KLHL29: variants seen among roughly 807,000 people sequenced by gnomAD.
KLHL29 encodes kelch-like protein 29.
A neutral mutation model predicts 80.4 loss-of-function variants in KLHL29; 21 were observed. The observed-to-expected ratio is 0.26, with a 90% CI of 0.19 to 0.38. The LOEUF is 0.38. KLHL29 is among the 10% of genes least tolerant of loss of function. The pLI, the probability that KLHL29 is intolerant of heterozygous loss-of-function variation, is 1.00. For synonymous variants in KLHL29, 511 were observed against 526.8 expected, an observed-to-expected ratio of 0.97 and a Z score of 0.41; for missense variants, 867 against 1,223.9, an observed-to-expected ratio of 0.71 and a Z score of 4.35.
At chr2:23,613,389 A>G (rs572178363) in intron 3 of KLHL29, among the ~76,000 whole-genome samples, 1 of 152,362 alleles carries the variant, frequency 6.6e-6, no homozygotes, top group South Asian at 2.1e-4. Flanking sequence ...TATACTATGC[A>G]TAAAAGCAGG....
At chr2:23,493,883 A>T (rs1253977999) in intron 2 of KLHL29, among the ~76,000 whole-genome samples, 2 of 152,224 alleles carry the variant, frequency 1.3e-5, no homozygotes, top group African/African-American at 4.8e-5. Context: ...GCTGAGTAAT[A>T]TTGGAGATAA....
At chr2:23,484,676 ATTAT>A (rs1029256216) in intron 2 of KLHL29, among the ~76,000 whole-genome samples, 29 of 152,282 alleles carry the variant, frequency 1.9e-4, no homozygotes, top group Middle Eastern at 6.8e-3. Flanking sequence ...GAACAGTGTG[ATTAT>A]TTATTTAGCA....
At chr2:23,656,385 G>A (rs1048044629) in intron 5 of KLHL29, among the ~76,000 whole-genome samples, 9 of 152,206 alleles carry the variant, frequency 5.9e-5, no homozygotes, top group African/African-American at 1.9e-4. Context: ...GGATGTGAGG[G>A]AAGGCGAAGG....
intron 1 of KLHL29, among the ~76,000 whole-genome samples, chr2:23,419,928 A>T (rs1363878505): frequency 6.6e-6 from 1 of 151,078 alleles, no homozygotes; most frequent in Admixed American, 6.6e-5. Context: ...TGACTTCACC[A>T]CTCCCTTCTC....
intron 3 of KLHL29, among the ~76,000 whole-genome samples, chr2:23,628,008 TG>T (rs1471037032): frequency 6.9e-6 from 1 of 145,862 alleles, no homozygotes; most frequent in Non-Finnish European, 1.5e-5. Context: ...CCCGGGGAGC[TG>T]GGCAGCAGTT....
At chr2:23,524,070 A>G (rs985099492) in intron 2 of KLHL29, 3 of 471,028 alleles carry the variant, frequency 6.4e-6, no homozygotes, top group South Asian at 1.5e-5. Flanking sequence ...GGCCTTCCCC[A>G]TCTAGGGTTT....
intron 2 of KLHL29, among the ~76,000 whole-genome samples, chr2:23,494,857 G>A (rs1032889817): frequency 3.9e-5 from 6 of 152,048 alleles, no homozygotes; most frequent in Non-Finnish European, 5.9e-5. Flanking sequence ...TGCCATCAGC[G>A]TATCTGTCGT....
At chr2:23,401,189 A>G (rs1334381067) in intron 1 of KLHL29, among the ~76,000 whole-genome samples, 1 of 152,208 alleles carries the variant, frequency 6.6e-6, no homozygotes, top group Non-Finnish European at 1.5e-5. Context: ...GTTGCTCTAC[A>G]GTAGAGACCT....
rs1457997644 is a variant in KLHL29, at chr2:23,652,254, A to G, written c.940+9404A>G. Reference sequence around the variant, plus strand: ...ATTGGATATATTTCCCATGATTAGCATCATCCATACTTGGGGTTAATTGTT... The same window carrying G: ...ATTGGATATATTTCCCATGATTAGCGTCATCCATACTTGGGGTTAATTGTT... On this transcript the variant is annotated intron_variant, in intron 5 of 13. Coordinates refer to ENST00000486442, the MANE Select transcript of KLHL29 (RefSeq NM_052920.2). Among the ~76,000 whole-genome samples, 4 of 152,196 alleles carry G rather than the reference A, an allele frequency of 2.6e-5. No individual in the cohort carries two copies. The East Asian group carries it at 5.8e-4, about 22-fold the overall frequency.
At chr2:23,416,355 C>T (rs1666984204) in intron 1 of KLHL29, among the ~76,000 whole-genome samples, 1 of 152,178 alleles carries the variant, frequency 6.6e-6, no homozygotes, top group African/African-American at 2.4e-5. Context: ...CTCCCTCCCT[C>T]CTCTCTCAGA....
At chr2:23,392,255 C>T (rs1187730249) in intron 1 of KLHL29, among the ~76,000 whole-genome samples, 1 of 152,216 alleles carries the variant, frequency 6.6e-6, no homozygotes, top group Non-Finnish European at 1.5e-5. Context: ...CAATTTCAAT[C>T]ATAAATGTTT....
At chr2:23,641,143 C>G (rs1033437934) in intron 4 of KLHL29, among the ~76,000 whole-genome samples, 1 of 152,214 alleles carries the variant, frequency 6.6e-6, no homozygotes. Flanking sequence ...GCATCCCAGA[C>G]TGGCCTTCCC....
intron 2 of KLHL29, among the ~76,000 whole-genome samples, chr2:23,534,179 C>T (rs1263700007): frequency 6.6e-6 from 1 of 152,158 alleles, no homozygotes; most frequent in African/African-American, 2.4e-5. Flanking sequence ...ACAACCGGGG[C>T]TTCAGATCAT....
chr2:23,546,963 C>T (rs1444626411), intron 2 of KLHL29, among the ~76,000 whole-genome samples: 3 of 152,178 alleles, frequency 2.0e-5, no homozygotes, highest in African/African-American at 4.8e-5. Context: ...AGACTTGAGC[C>T]ATCTGGGAAG....
rs564305859 is a variant in KLHL29 at position 23,704,042 on chromosome 2, C to T, written c.2444+179C>T. Among the ~76,000 whole-genome samples, 42 of 152,336 alleles carry T rather than the reference C, an allele frequency of 2.8e-4. 1 individual carries two copies. The highest frequency in any genetic ancestry group is 7.9e-4 in the African/African-American group (33 of 41,584). On this transcript the variant is annotated intron_variant, in intron 13 of 13. Transcript: ENST00000486442. ...CAGACCAGTAGGGTGGAGCCCACGG[C>T]AGCCTCTGGTCCAGGAGCCCAACCC... is the stretch of plus-strand genomic sequence containing the variant.
At chr2:23,477,811 G>T (rs1664679504) in intron 2 of KLHL29, among the ~76,000 whole-genome samples, 1 of 152,228 alleles carries the variant, frequency 6.6e-6, no homozygotes, top group African/African-American at 2.4e-5. Context: ...CTTCACAGAA[G>T]CCAGCTCTCC....
intron 3 of KLHL29, among the ~76,000 whole-genome samples, chr2:23,578,253 T>C (rs1323159565): frequency 2.6e-5 from 4 of 152,146 alleles, no homozygotes; most frequent in African/African-American, 9.7e-5. Context: ...ACCAGCAACA[T>C]AAGTACTTAA....
chr2:23,549,432 G>A (rs146570030), intron 2 of KLHL29, among the ~76,000 whole-genome samples: 129 of 151,780 alleles, frequency 8.5e-4, no homozygotes, highest in African/African-American at 2.9e-3. Context: ...ACACAACCTC[G>A]CAACAGGCTG....
intron 3 of KLHL29, among the ~76,000 whole-genome samples, chr2:23,591,556 C>A (rs111974984): frequency 6.6e-6 from 1 of 151,820 alleles, no homozygotes; most frequent in African/African-American, 2.4e-5. Flanking sequence ...CCTTACCCCC[C>A]ACAGCCAGTG....
Sources: gnomAD v4.1 joint callset for allele counts (sites outside exome capture counted in the v4.1 genomes callset) on GRCh38, gnomAD v4.1.1 for gene constraint, MANE v1.5 for transcripts, NCBI Gene and HGNC (gene_info 2026-07-23, HGNC 2026-07-21) for gene names.